The following SHC3 variants were observed in gnomAD, a reference collection of about 807,000 sequenced individuals.
The protein encoded by SHC3 is SHC-transforming protein 3.
SHC3 carries 15 observed loss-of-function variants against 60.4 expected under a neutral mutation model. The ratio of observed to expected loss-of-function variants is 0.25; its 90% CI spans 0.17 to 0.38. SHC3 has a LOEUF of 0.38. SHC3 is among the 10% of genes least tolerant of loss of function. The pLI, the probability that SHC3 is intolerant of heterozygous loss-of-function variation, is 1.00. For missense variants in SHC3, 677 were observed against 786.1 expected (o/e 0.86, Z 1.66); for synonymous variants, 294 against 325.9 (o/e 0.90, Z 1.05).
At chr9:89,063,112 C>T (rs1472499699) in intron 6 of SHC3, among the ~76,000 whole-genome samples, 2 of 152,188 alleles carry the variant, frequency 1.3e-5, no homozygotes, top group Non-Finnish European at 2.9e-5. Context: ...GCTTCCTTCC[C>T]CCTTGAGTCT....
At chr9:89,047,335 A>G (rs1462781984) in intron 7 of SHC3, among the ~76,000 whole-genome samples, 2 of 152,224 alleles carry the variant, frequency 1.3e-5, no homozygotes, top group African/African-American at 4.8e-5. Flanking sequence ...AACAAAACCA[A>G]CTACAAAATG....
intron 1 of SHC3, among the ~76,000 whole-genome samples, chr9:89,175,480 G>C (rs1826929616): frequency 6.6e-6 from 1 of 152,164 alleles, no homozygotes; most frequent in Non-Finnish European, 1.5e-5. Context: ...CCAGACTTCT[G>C]TATTTTACAG....
intron 10 of SHC3, among the ~76,000 whole-genome samples, chr9:89,041,056 T>TA (rs1396173021): frequency 6.6e-6 from 1 of 152,240 alleles, no homozygotes; most frequent in East Asian, 1.9e-4. Context: ...TACCTACCTG[T>TA]AAAAATTTAA....
intron 10 of SHC3, among the ~76,000 whole-genome samples, chr9:89,040,236 ACCACCACCAC>A (rs1824664515): frequency 6.9e-6 from 1 of 144,908 alleles, no homozygotes; most frequent in Non-Finnish European, 1.5e-5. Flanking sequence ...CACCATCACC[ACCACCACCAC>A]CATCAAAATT....
chr9:89,127,598 T>G (rs1347520580), intron 1 of SHC3, among the ~76,000 whole-genome samples: 1 of 152,140 alleles, frequency 6.6e-6, no homozygotes, highest in African/African-American at 2.4e-5. Context: ...CGTTTTTGAC[T>G]TTGGAGGGTG....
At chr9:89,157,457 C>T (rs6559345) in intron 1 of SHC3, among the ~76,000 whole-genome samples, 40,027 of 152,174 alleles carry the variant, frequency 0.26, 5,634 homozygotes, top group African/African-American at 0.36. Flanking sequence ...GATACCCTGA[C>T]TGTGGTCCTG....
chr9:89,130,106 GCT>G (rs1167725027), intron 1 of SHC3, among the ~76,000 whole-genome samples: 2 of 152,052 alleles, frequency 1.3e-5, no homozygotes, highest in Non-Finnish European at 2.9e-5. Context: ...AAAAAGCAGG[GCT>G]TGCAATCCTA....
At position 89,038,249 on chromosome 9, in the gene SHC3, G is replaced by T. The variant is rs757272707; in HGVS notation, c.1400C>A (p.Pro467His). 2 of 1,613,690 alleles carry T rather than the reference G, an allele frequency of 1.2e-6. No homozygotes were observed. The highest frequency in any genetic ancestry group is 1.7e-6 in the Non-Finnish European group (2 of 1,179,922). ...CACGGAGGCTGCCTTGCTTAACACG[G>T]GCCCCAAGGGCTGGTTCTTGAGAGC... ...EDALKNQPLG[P>H]VLSKAASVEC... Residue 467 changes from proline to histidine, a missense_variant, in exon 11 of 12, where the codon CCC becomes CAC. Pro to His is a moderately conservative substitution (Grantham distance 77). Transcript: ENST00000375835.
At chr9:89,168,892 G>T (rs1391043840) in intron 1 of SHC3, among the ~76,000 whole-genome samples, 2 of 152,136 alleles carry the variant, frequency 1.3e-5, no homozygotes, top group Non-Finnish European at 2.9e-5. Flanking sequence ...AATTCCTCTT[G>T]TTGGGCTGTC....
rs1192290596 is a variant in SHC3 at position 89,064,658 on chromosome 9, C to G, written c.835+871G>C. On this transcript the variant is annotated intron_variant, in intron 6 of 11. Transcript: ENST00000375835. ...CCAGGCAGTGGCGTGGGGGATGATTCTCCATAAGGCCGCATCATGGATCAG... is the reference window on the plus strand; with the variant it reads ...CCAGGCAGTGGCGTGGGGGATGATTGTCCATAAGGCCGCATCATGGATCAG... Among the ~76,000 whole-genome samples the G allele has an allele frequency of 1.2e-4, 19 of 152,048 alleles. 1 individual carries two copies. The highest frequency in any genetic ancestry group is 2.9e-5 in the Non-Finnish European group (2 of 68,012).
chr9:89,152,840 A>G (rs1340356607), intron 1 of SHC3, among the ~76,000 whole-genome samples: 1 of 152,264 alleles, frequency 6.6e-6, no homozygotes, highest in African/African-American at 2.4e-5. Context: ...GATTTAAAAG[A>G]TACAATCCAT....
At chr9:89,035,789 T>C (rs1225103494) in intron 11 of SHC3, among the ~76,000 whole-genome samples, 1 of 144,686 alleles carries the variant, frequency 6.9e-6, no homozygotes, top group African/African-American at 2.5e-5. Flanking sequence ...AAAACCTGTC[T>C]CTACTAAAAA....
At chr9:89,168,675 C>CT (rs775567457) in intron 1 of SHC3, among the ~76,000 whole-genome samples, 8 of 152,142 alleles carry the variant, frequency 5.3e-5, no homozygotes, top group Non-Finnish European at 8.8e-5. Flanking sequence ...TATATGTCCA[C>CT]TTGACTGAGC....
At chr9:89,102,932 C>G (rs776314562) in intron 2 of SHC3, among the ~76,000 whole-genome samples, 3 of 152,126 alleles carry the variant, frequency 2.0e-5, no homozygotes, top group Admixed American at 6.5e-5. Flanking sequence ...GGCCTTGTAG[C>G]TCAGGACAAA....
intron 1 of SHC3, among the ~76,000 whole-genome samples, chr9:89,141,564 G>A (rs1445626168): frequency 6.6e-6 from 1 of 151,676 alleles, no homozygotes; most frequent in Non-Finnish European, 1.5e-5. Context: ...CCTTTCCCTA[G>A]TGAACAGCCC....
In SHC3 at chr9:89,173,093, C is replaced by A. The variant is rs183004135; in HGVS notation, c.474+4894G>T. ...CCCATAGAGACCAACCCCAGCACAA[C>A]CCTGCCTTCAACTTGCTGCAGCCAG... On this transcript the variant is annotated intron_variant, in intron 1 of 11. Coordinates refer to ENST00000375835, the MANE Select transcript of SHC3 (RefSeq NM_016848.6). 1.3e-4 allele frequency among the ~76,000 whole-genome samples: 20 copies of A among 152,390 alleles called. No individual in the cohort carries two copies. In the East Asian group the frequency reaches 3.9e-3, roughly 29 times the overall value.
chr9:89,051,996 C>A (rs748240800), intron 7 of SHC3, 41 bp downstream of exon 7: 2 of 1,607,386 alleles, frequency 1.2e-6, no homozygotes, highest in African/African-American at 2.7e-5. Flanking sequence ...GGTCATAAAA[C>A]CCACATAGGC....
intron 2 of SHC3, among the ~76,000 whole-genome samples, chr9:89,108,253 C>T (rs775404588): frequency 3.3e-5 from 5 of 152,082 alleles, no homozygotes; most frequent in African/African-American, 4.8e-5. Flanking sequence ...TGGCTCATGC[C>T]TGTAATCCCA....
In SHC3 at chr9:89,178,171, G is replaced by T; in HGVS notation, c.290C>A (p.Ser97Ter). 1 of 1,301,404 alleles carries T rather than the reference G, an allele frequency of 7.7e-7. No homozygotes were observed. Among genetic ancestry groups the T allele is most frequent in the Non-Finnish European group, 9.7e-7 (1 of 1,026,336 alleles). The allele number at this position is 1,301,404 out of a possible 1,614,324, so 80.6% of individuals were successfully genotyped here. ...CAGGCTGGGCGCGCTGCAGCTGCCC[G>T]AGAGCCGCGCGCCCGCCCGCTCCCG... ...AARERAGARL[S>*]GSCSAPSLAA... The change falls in exon 1 of 12, where the codon TCG becomes TAG. Residue 97 changes from serine to a stop codon, truncating the protein, a stop_gained. Coordinates refer to ENST00000375835, the MANE Select transcript of SHC3 (RefSeq NM_016848.6). LOFTEE classifies it high-confidence loss of function. This position sits in a 1 kb window ranked among gnomAD's most constrained non-coding sequence, Gnocchi z 6.9.
Sources: allele counts gnomAD v4.1 joint callset (sites outside exome capture counted in the v4.1 genomes callset), GRCh38; gene constraint gnomAD v4.1.1; non-coding constraint Gnocchi (gnomAD v3.1); transcripts MANE v1.5; gene names NCBI Gene and HGNC (gene_info 2026-07-23, HGNC 2026-07-21).